TNS3: variants seen among roughly 807,000 people sequenced by gnomAD.
TNS3 encodes the protein tensin-3.
In TNS3, 45 loss-of-function variants were observed where a neutral mutation model predicts 140.9. The ratio of observed to expected loss-of-function variants is 0.32; its 90% CI spans 0.25 to 0.41. TNS3 has a LOEUF of 0.41. Ranked by LOEUF, TNS3 falls within the 10% of genes least tolerant of loss-of-function variation. The pLI, the probability that TNS3 is intolerant of heterozygous loss-of-function variation, is 1.00. For synonymous variants in TNS3, 815 were observed against 788.4 expected (o/e 1.03, Z -0.56); for missense variants, 1,716 against 1,906.7 (o/e 0.90, Z 1.86).
intron 3 of TNS3, among the ~76,000 whole-genome samples, chr7:47,487,255 T>C (rs954600402): frequency 6.6e-6 from 1 of 150,846 alleles, no homozygotes; most frequent in South Asian, 2.1e-4. Flanking sequence ...ATCGTGCCAC[T>C]GCACTCCAGC....
intron 20 of TNS3, among the ~76,000 whole-genome samples, chr7:47,329,443 G>T (rs933153487): frequency 1.3e-5 from 2 of 152,096 alleles, no homozygotes; most frequent in East Asian, 3.9e-4. Flanking sequence ...GCCCCTGCAC[G>T]ACCCTGGCAC....
chr7:47,300,833 C>T (rs1786358651), intron 23 of TNS3, among the ~76,000 whole-genome samples: 3 of 152,200 alleles, frequency 2.0e-5, no homozygotes, highest in South Asian at 2.1e-4. Context: ...ACACAGCATC[C>T]GGCCGCAGAG....
At chr7:47,373,086 G>A (rs1379798427) in intron 16 of TNS3, among the ~76,000 whole-genome samples, 1 of 152,180 alleles carries the variant, frequency 6.6e-6, no homozygotes, top group Non-Finnish European at 1.5e-5. Flanking sequence ...GGGAGGGAAG[G>A]AGAAGGGGCC....
chr7:47,369,998 T>A (rs2151156644), intron 16 of TNS3, among the ~76,000 whole-genome samples: 1 of 152,376 alleles, frequency 6.6e-6, no homozygotes. Context: ...GGACTGTTCA[T>A]CTTAGACAAG....
intron 7 of TNS3, among the ~76,000 whole-genome samples, chr7:47,436,274 A>G (rs1021924103): frequency 1.3e-5 from 2 of 152,230 alleles, no homozygotes; most frequent in African/African-American, 4.8e-5. Flanking sequence ...ACTATTGTTA[A>G]CTAGTATTAA....
chr7:47,482,645 C>G (rs1797464819), intron 3 of TNS3, among the ~76,000 whole-genome samples: 1 of 152,154 alleles, frequency 6.6e-6, no homozygotes, highest in Non-Finnish European at 1.5e-5. Flanking sequence ...TTGCCTCACT[C>G]CACATGTGAC....
At chr7:47,328,710 C>T (rs1369834598) in intron 20 of TNS3, among the ~76,000 whole-genome samples, 2 of 152,240 alleles carry the variant, frequency 1.3e-5, no homozygotes, top group African/African-American at 4.8e-5. Context: ...GGCCACCAGG[C>T]TGGAAGCCTT....
chr7:47,292,041 A>C lies in TNS3; in HGVS notation c.3851-9T>G. Reference sequence around the variant, plus strand: ...TATTTCCTCCAATGGATCTGTAGGAAGGGGCAAGAAAATACAGAAATGAGT... The same window carrying C: ...TATTTCCTCCAATGGATCTGTAGGACGGGGCAAGAAAATACAGAAATGAGT... On this transcript the variant is annotated splice_polypyrimidine_tract_variant and intron_variant, in intron 26 of 30. Transcript: ENST00000311160. 1 of 1,613,990 alleles carries C rather than the reference A, an allele frequency of 6.2e-7. No homozygotes were observed. The highest frequency in any genetic ancestry group is 8.5e-7 in the Non-Finnish European group (1 of 1,179,920).
At position 47,303,557 on chromosome 7, in the gene TNS3, C is replaced by T. The variant is rs757624934; in HGVS notation, c.2850G>A (p.Val950=). ...AAACCATGGGCTTGGGGCTGCTCTC[C>T]ACCCACTGGCGTTCTGCAGAAGAGG... ...ESSSSAERQW[V]ESSPKPMVSL... is the part of the protein sequence containing the mutation. The change falls in exon 22 of 31, where the codon GTG becomes GTA. Residue 950 remains valine, a synonymous_variant. Coordinates refer to ENST00000311160, the MANE Select transcript of TNS3 (RefSeq NM_022748.12). The T allele has an allele frequency of 6.3e-7, 1 of 1,599,272 alleles. No individual in the cohort carries two copies. Among genetic ancestry groups the T allele is most frequent in the Admixed American group, 1.7e-5 (1 of 59,106 alleles).
rs181832439 is a variant in TNS3 at position 47,318,073 on chromosome 7, T to G, written c.2651-13070A>C. Among the ~76,000 whole-genome samples, 54 of 152,280 alleles carry G rather than the reference T, an allele frequency of 3.5e-4. 1 individual carries two copies. The highest frequency in any genetic ancestry group is 1.2e-3 in the African/African-American group (51 of 41,552). Reference sequence around the variant, plus strand: ...TATAATCTTACAAAACTATAACTCTTTCCCCATTGAAATAATTTCCTATCC... The same window carrying G: ...TATAATCTTACAAAACTATAACTCTGTCCCCATTGAAATAATTTCCTATCC... On this transcript the variant is annotated intron_variant, in intron 20 of 30. Transcript: ENST00000311160.
intron 17 of TNS3, among the ~76,000 whole-genome samples, chr7:47,351,733 A>G (rs963128664): frequency 1.3e-5 from 2 of 152,098 alleles, no homozygotes; most frequent in Admixed American, 1.3e-4. Flanking sequence ...GCAAGAAAGA[A>G]CCAAGGAAGG....
intron 3 of TNS3, among the ~76,000 whole-genome samples, chr7:47,482,438 T>C (rs1466489845): frequency 6.6e-6 from 1 of 151,934 alleles, no homozygotes; most frequent in African/African-American, 2.4e-5. Context: ...TAAAGTTTGA[T>C]GAATGGATGA....
At chr7:47,448,858 A>T (rs1795879880) in intron 4 of TNS3, among the ~76,000 whole-genome samples, 1 of 152,180 alleles carries the variant, frequency 6.6e-6, no homozygotes, top group East Asian at 1.9e-4. Context: ...ACAGTATAGT[A>T]ATGAAATCTG....
chr7:47,406,646 T>C (rs1793465894), intron 13 of TNS3, among the ~76,000 whole-genome samples: 1 of 152,198 alleles, frequency 6.6e-6, no homozygotes, highest in South Asian at 2.1e-4. Context: ...ACACCCAGAC[T>C]GAGGGCACCA....
In TNS3 at chr7:47,303,326, C is replaced by T. The variant is rs747063573; in HGVS notation, c.3081G>A (p.Val1027=). Residue 1027 remains valine (V), a synonymous_variant, in exon 22 of 31, where the codon GTG becomes GTA. Coordinates refer to ENST00000311160, the MANE Select transcript of TNS3 (RefSeq NM_022748.12). ...CCTCCTCGGGCGGAAGGCCACTTCC[C>T]ACTGGGGCGGTGCCGAAGCCCAGGA... The part of the protein sequence containing the change: ...QAFLGFGTAP[V]GSGLPPEEDL... 1.9e-6 allele frequency: 3 copies of T among 1,613,408 alleles called. No individual in the cohort carries two copies. Among genetic ancestry groups the T allele is most frequent in the Non-Finnish European group, 2.5e-6 (3 of 1,179,840 alleles).
At chr7:47,451,265 G>A (rs1296716651) in intron 4 of TNS3, among the ~76,000 whole-genome samples, 1 of 152,098 alleles carries the variant, frequency 6.6e-6, no homozygotes, top group African/African-American at 2.4e-5. Flanking sequence ...CTGAAAACTA[G>A]CAGTGTAAAC....
At chr7:47,423,124 T>C (rs1358143091) in intron 10 of TNS3, among the ~76,000 whole-genome samples, 3 of 152,230 alleles carry the variant, frequency 2.0e-5, no homozygotes, top group Non-Finnish European at 4.4e-5. Flanking sequence ...CCATGTCTGC[T>C]GACATAGCCC....
intron 1 of TNS3, among the ~76,000 whole-genome samples, chr7:47,565,839 G>A (rs1800417159): frequency 6.6e-6 from 1 of 152,174 alleles, no homozygotes; most frequent in South Asian, 2.1e-4. Context: ...TGGGGGTTCA[G>A]GGAGCTAAAA....
At position 47,277,898 on chromosome 7, in the gene TNS3, C is replaced by G. The variant is rs1784938283; in HGVS notation, c.*178G>C. ...CAGATAAGTCACTTTCAGGAAAGGC[C>G]AATTCACGGTGATGTTGTTTGTTCT... On this transcript the variant is annotated 3_prime_UTR_variant, in exon 31 of 31. Coordinates refer to ENST00000311160, the MANE Select transcript of TNS3 (RefSeq NM_022748.12). 1.3e-6 allele frequency: 1 copy of G among 767,200 alleles called. No homozygotes were observed. 47.5% of individuals were successfully genotyped at this position (767,200 alleles called of 1,614,324 possible).
Sources: allele counts gnomAD v4.1 joint callset (sites outside exome capture counted in the v4.1 genomes callset), GRCh38; gene constraint gnomAD v4.1.1; transcripts MANE v1.5; gene names NCBI Gene and HGNC (gene_info 2026-07-23, HGNC 2026-07-21).